SMYD3: variants seen among roughly 807,000 people sequenced by gnomAD.
The protein encoded by SMYD3 is SET and MYND domain containing 3.
In SMYD3, 36 loss-of-function variants were observed where a neutral mutation model predicts 57.7. That is an observed-to-expected ratio of 0.62 (90% CI 0.48 to 0.82). SMYD3 has a LOEUF of 0.82. Among genes scored for constraint, SMYD3 ranks in the 40% least tolerant of loss-of-function variants. The pLI is 0.00. For missense variants in SMYD3, 515 were observed against 538.8 expected (o/e 0.96, Z 0.44); for synonymous variants, 211 against 195.0 (o/e 1.08, Z -0.68).
intron 5 of SMYD3, among the ~76,000 whole-genome samples, chr1:245,977,893 G>T (rs2058492061): frequency 6.6e-6 from 1 of 152,018 alleles, no homozygotes; most frequent in South Asian, 2.1e-4. Context: ...TCTGTGTTGT[G>T]TCTATGTATA....
At chr1:246,245,481 A>T (rs759697458) in intron 5 of SMYD3, among the ~76,000 whole-genome samples, 4 of 152,166 alleles carry the variant, frequency 2.6e-5, no homozygotes, top group Non-Finnish European at 5.9e-5. Flanking sequence ...ACTGGGAATA[A>T]AAGTATTTTT....
At chr1:246,143,504 T>A (rs1383968467) in intron 5 of SMYD3, among the ~76,000 whole-genome samples, 1 of 151,960 alleles carries the variant, frequency 6.6e-6, no homozygotes, top group Non-Finnish European at 1.5e-5. Context: ...CCATCTCCAC[T>A]AAAAATACAA....
chr1:246,476,950 C>G (rs1343378292), intron 1 of SMYD3, among the ~76,000 whole-genome samples: 2 of 152,178 alleles, frequency 1.3e-5, no homozygotes, highest in Non-Finnish European at 2.9e-5. Context: ...CTGGAACACT[C>G]TAGCTCAGCA....
intron 5 of SMYD3, among the ~76,000 whole-genome samples, chr1:246,168,455 T>C (rs1250848521): frequency 1.3e-5 from 2 of 152,096 alleles, no homozygotes; most frequent in Non-Finnish European, 2.9e-5. Flanking sequence ...TTTAACAACA[T>C]AGGAAAGGCA....
chr1:246,180,726 T>G (rs1343239557), intron 5 of SMYD3, among the ~76,000 whole-genome samples: 1 of 111,030 alleles, frequency 9.0e-6, no homozygotes, highest in Non-Finnish European at 1.7e-5. Context: ...ACCACCACAC[T>G]CCAAGCCTGG....
chr1:246,291,038 A>T (rs2148593390), intron 5 of SMYD3, among the ~76,000 whole-genome samples: 1 of 80,422 alleles, frequency 1.2e-5, no homozygotes, highest in East Asian at 8.2e-4. Context: ...AAGCGTGATA[A>T]AAAAAAAAAT....
intron 1 of SMYD3, among the ~76,000 whole-genome samples, chr1:246,386,567 A>G (rs2066484803): frequency 6.6e-6 from 1 of 152,072 alleles, no homozygotes. Flanking sequence ...TGTGGCAGGA[A>G]GATTGCTTGA....
At chr1:246,031,033 G>A (rs1321085459) in intron 5 of SMYD3, among the ~76,000 whole-genome samples, 1 of 152,118 alleles carries the variant, frequency 6.6e-6, no homozygotes, top group African/African-American at 2.4e-5. Flanking sequence ...AAAAATCACT[G>A]ATGTATTACA....
intron 5 of SMYD3, among the ~76,000 whole-genome samples, chr1:246,291,073 A>G (rs779049235): frequency 4.6e-5 from 7 of 152,186 alleles, no homozygotes; most frequent in Non-Finnish European, 1.0e-4. Context: ...AGTAGTCTTG[A>G]TAAAAACAAA....
chr1:245,772,802 C>T (rs2046388390), intron 10 of SMYD3, among the ~76,000 whole-genome samples: 2 of 152,000 alleles, frequency 1.3e-5, no homozygotes, highest in African/African-American at 4.8e-5. Flanking sequence ...TCTGAAATGT[C>T]CATGTTATTC....
At chr1:246,356,247 G>T (rs1256876847) in intron 1 of SMYD3, among the ~76,000 whole-genome samples, 2 of 152,130 alleles carry the variant, frequency 1.3e-5, no homozygotes, top group Non-Finnish European at 2.9e-5. Context: ...GGAGGAGGGA[G>T]AACACCACAT....
At chr1:246,397,239 G>C (rs1468093216) in intron 1 of SMYD3, among the ~76,000 whole-genome samples, 1 of 152,142 alleles carries the variant, frequency 6.6e-6, no homozygotes, top group Admixed American at 6.6e-5. Flanking sequence ...TGAACTGTGT[G>C]TGCGAGGGAT....
intron 5 of SMYD3, among the ~76,000 whole-genome samples, chr1:246,004,064 C>T (rs568113771): frequency 1.6e-4 from 9 of 57,020 alleles, no homozygotes; most frequent in Non-Finnish European, 7.6e-4. Flanking sequence ...CCTTCTCAAG[C>T]CTGTCTCCTA....
At chr1:245,970,653 G>C (rs2058275689) in intron 5 of SMYD3, among the ~76,000 whole-genome samples, 1 of 152,134 alleles carries the variant, frequency 6.6e-6, no homozygotes, top group Non-Finnish European at 1.5e-5. Context: ...GATATGAACA[G>C]ACACTTCTCA....
intron 8 of SMYD3, among the ~76,000 whole-genome samples, chr1:245,892,102 CAA>C (rs1490206648): frequency 1.3e-5 from 2 of 151,928 alleles, no homozygotes; most frequent in East Asian, 3.9e-4. Flanking sequence ...CCAAACCAAA[CAA>C]GAGGCACTAG....
chr1:246,385,418 T>C (rs1392037112), intron 1 of SMYD3, among the ~76,000 whole-genome samples: 2 of 151,760 alleles, frequency 1.3e-5, no homozygotes, highest in Middle Eastern at 3.2e-3. Flanking sequence ...TAAAGTATTT[T>C]ATAAATATAA....
intron 8 of SMYD3, among the ~76,000 whole-genome samples, chr1:245,907,628 C>T (rs2054662242): frequency 6.6e-6 from 1 of 152,144 alleles, no homozygotes; most frequent in African/African-American, 2.4e-5. Context: ...GCAAACAATA[C>T]AAGAGGAAGA....
At chr1:245,765,045 T>TAC (rs3085339) in intron 10 of SMYD3, among the ~76,000 whole-genome samples, 27,977 of 134,724 alleles carry the variant, frequency 0.21, 3,076 homozygotes, top group East Asian at 0.43. Flanking sequence ...TGGAAATGCC[T>TAC]ACACACACAC....
In SMYD3 at chr1:245,867,649, CGTGCGTGT is replaced by C. The variant is rs1472465353; in HGVS notation, c.814-3771_814-3764del. ...CGGCAAGAGAAGATATGTGCATGCG[CGTGCGTGT>C]GCGTGCGCGCGCACACACACACACA... On this transcript the variant is annotated intron_variant, in intron 8 of 11. Transcript: ENST00000490107. Among the ~76,000 whole-genome samples, 578 of 133,584 alleles carry C rather than the reference CGTGCGTGT, an allele frequency of 4.3e-3. 3 individuals carry two copies. The highest frequency in any genetic ancestry group is 0.015 in the African/African-American group (534 of 36,286). The allele number at this position is 133,584 out of a possible 152,430, so 87.6% of individuals were successfully genotyped here.
Sources: allele counts gnomAD v4.1 joint callset (sites outside exome capture counted in the v4.1 genomes callset), GRCh38; gene constraint gnomAD v4.1.1; transcripts MANE v1.5; gene names NCBI Gene and HGNC (gene_info 2026-07-23, HGNC 2026-07-21).